DMD: variants seen among roughly 807,000 people sequenced by gnomAD.
DMD encodes the protein dystrophin, also known as mutant dystrophin.
Under a neutral mutation model 330.1 loss-of-function variants are expected in DMD, and 63 were observed. The observed-to-expected ratio is 0.19, with a 90% CI of 0.16 to 0.24. The LOEUF is 0.24. DMD is among the 10% of genes least tolerant of loss of function. The pLI is 1.00. For synonymous variants in DMD, 1,223 were observed against 959.8 expected (o/e 1.27, Z -5.07); for missense variants, 3,344 against 2,684.1 (o/e 1.25, Z -5.43).
intron 49 of DMD, among the ~76,000 whole-genome samples, chrX:31,834,461 C>T (rs895901998): frequency 9.0e-6 from 1 of 111,625 alleles, no homozygotes; most frequent in Non-Finnish European, 1.9e-5. Flanking sequence ...TATTTTGAGA[C>T]GGAGTTTCGC....
chrX:31,146,213 G>A (rs113815302), intron 76 of DMD, 78 bp downstream of exon 76: 6 of 1,112,773 alleles, frequency 5.4e-6, no homozygotes, highest in East Asian at 3.0e-5. Flanking sequence ...AAACACTTAC[G>A]GCCAAATATT....
intron 44 of DMD, among the ~76,000 whole-genome samples, chrX:32,041,314 C>T (rs191849667): frequency 5.7e-4 from 64 of 111,896 alleles, no homozygotes; most frequent in African/African-American, 2.1e-3. Context: ...CAGGTCTCTC[C>T]CCCCTTCCTG....
intron 60 of DMD, among the ~76,000 whole-genome samples, chrX:31,437,030 G>C (rs1428471141): frequency 1.8e-5 from 2 of 111,788 alleles, no homozygotes; most frequent in Non-Finnish European, 3.8e-5. Context: ...CTATAGTTTA[G>C]AATATGTTAG....
At chrX:32,323,453 A>G (rs751333605) in intron 41 of DMD, among the ~76,000 whole-genome samples, 2 of 111,852 alleles carry the variant, frequency 1.8e-5, no homozygotes, top group Non-Finnish European at 3.8e-5. Context: ...AAGTAATAAC[A>G]TGACATCTTG....
intron 1 of DMD, among the ~76,000 whole-genome samples, chrX:33,109,966 G>GT (rs1350330489): frequency 1.8e-5 from 2 of 110,961 alleles, no homozygotes; most frequent in East Asian, 2.8e-4. Context: ...AAAAAAAAAG[G>GT]TTTTTTTGTT....
rs1260463375 is a variant in DMD, at chrX:31,721,728, A to ATC, written c.7660+7902_7660+7903insGA. Among the ~76,000 whole-genome samples the ATC allele has an allele frequency of 8.7e-4, 57 of 65,285 alleles. 1 individual carries two copies. Among genetic ancestry groups the ATC allele is most frequent in the Non-Finnish European group, 9.6e-4 (37 of 38,698 alleles). The allele number at this position is 65,285 out of a possible 115,157, so 56.7% of individuals were successfully genotyped here. On this transcript the variant is annotated intron_variant, in intron 52 of 78. Transcript: ENST00000357033. ...TCTCTCTCTCTCTCTCTATATATAT[A>ATC]TATATATATATATATATCTCCTAAT...
At chrX:32,574,534 G>A (rs1462350138) in intron 13 of DMD, among the ~76,000 whole-genome samples, 4 of 111,552 alleles carry the variant, frequency 3.6e-5, no homozygotes, top group Non-Finnish European at 7.5e-5. Context: ...AACAAATATT[G>A]TGATGCTTTC....
intron 2 of DMD, among the ~76,000 whole-genome samples, chrX:33,003,611 T>C (rs894673988): frequency 2.9e-5 from 3 of 101,818 alleles, no homozygotes; most frequent in African/African-American, 1.3e-4. Context: ...ATTTTCTTTT[T>C]GTCCGTTTTT....
intron 2 of DMD, among the ~76,000 whole-genome samples, chrX:32,990,840 G>GT (rs1022233127): frequency 6.3e-5 from 7 of 111,317 alleles, no homozygotes; most frequent in African/African-American, 2.3e-4. Flanking sequence ...AGGAGAAACT[G>GT]TATGTGCCTG....
rs72468617 is a variant in DMD, at chrX:32,343,095, A to G, written c.5739+39T>C. 6.4e-5 allele frequency: 74 copies of G among 1,156,201 alleles called. No homozygotes were observed. In the African/African-American group the frequency reaches 7.5e-4, roughly 12 times the overall value. ...GATCTTCACAGGTTAATTAAACTGT[A>G]TAATAAAATCTGGTATTGACATTCT... On this transcript the variant is annotated intron_variant, in intron 40 of 78. Transcript: ENST00000357033.
At chrX:32,105,725 CT>C (rs2096561234) in intron 44 of DMD, among the ~76,000 whole-genome samples, 1 of 111,706 alleles carries the variant, frequency 9.0e-6, no homozygotes, top group African/African-American at 3.2e-5. Context: ...TGTCTTTATA[CT>C]GCTAATAAGT....
chrX:31,164,200 C>T, intron 74 of DMD, among the ~76,000 whole-genome samples: 1 of 111,982 alleles, frequency 8.9e-6, no homozygotes, highest in East Asian at 2.8e-4. Context: ...TATATAAATT[C>T]ATTCTCACGG....
chrX:32,833,492 A>G (rs993523565), intron 4 of DMD, among the ~76,000 whole-genome samples: 2 of 110,265 alleles, frequency 1.8e-5, no homozygotes, highest in Non-Finnish European at 1.9e-5. Context: ...ATTAGAGGGC[A>G]TTGCCTGAGT....
intron 7 of DMD, among the ~76,000 whole-genome samples, chrX:32,774,380 G>C (rs2073938750): frequency 9.0e-6 from 1 of 111,579 alleles, no homozygotes; most frequent in Non-Finnish European, 1.9e-5. Flanking sequence ...AGTTAATCTG[G>C]ATTTATTCTT....
chrX:32,451,256 A>C (rs1183057359), intron 26 of DMD, among the ~76,000 whole-genome samples: 1 of 111,009 alleles, frequency 9.0e-6, no homozygotes, highest in African/African-American at 3.3e-5. Context: ...TGTATTAAAC[A>C]AGACTTCCAG....
chrX:32,328,495 T>A (rs2097662788), intron 41 of DMD, among the ~76,000 whole-genome samples: 1 of 111,527 alleles, frequency 9.0e-6, no homozygotes. Context: ...TGGATAACTG[T>A]TATGGGGCCA....
At chrX:33,283,853 C>T (rs1263205495) in intron 1 of DMD, among the ~76,000 whole-genome samples, 4 of 54,533 alleles carry the variant, frequency 7.3e-5, no homozygotes, top group African/African-American at 2.6e-4. Flanking sequence ...CTCATCTCTA[C>T]TAAAAATACA....
intron 1 of DMD, among the ~76,000 whole-genome samples, chrX:33,024,409 CTG>C (rs1416364738): frequency 8.9e-6 from 1 of 111,949 alleles, no homozygotes; most frequent in Non-Finnish European, 1.9e-5. Flanking sequence ...TACTTGAAAA[CTG>C]TTCCCTGGAG....
At chrX:31,968,108 G>A (rs768903103) in intron 45 of DMD, among the ~76,000 whole-genome samples, 1 of 111,041 alleles carries the variant, frequency 9.0e-6, no homozygotes, top group African/African-American at 3.3e-5. Flanking sequence ...GATTTTTAAA[G>A]CAAACTTCAA....
Sources: allele counts gnomAD v4.1 joint callset (sites outside exome capture counted in the v4.1 genomes callset), GRCh38; gene constraint gnomAD v4.1.1; transcripts MANE v1.5; gene names NCBI Gene and HGNC (gene_info 2026-07-23, HGNC 2026-07-21).